DTNA: variants seen among roughly 807,000 people sequenced by gnomAD.
The protein encoded by DTNA is dystrophin-related protein 3.
In DTNA, 43 loss-of-function variants were observed where a neutral mutation model predicts 100.7. The ratio of observed to expected loss-of-function variants is 0.43; its 90% CI spans 0.33 to 0.55. The LOEUF is 0.55. Ranked by LOEUF, DTNA falls within the 20% of genes least tolerant of loss-of-function variation. The pLI is 0.04. For missense variants in DTNA, 798 were observed against 953.9 expected, an observed-to-expected ratio of 0.84 and a Z score of 2.15; for synonymous variants, 349 against 347.9, an observed-to-expected ratio of 1.00 and a Z score of -0.04.
At chr18:34,538,936 A>G (rs2043985336) in intron 1 of DTNA, among the ~76,000 whole-genome samples, 1 of 152,024 alleles carries the variant, frequency 6.6e-6, no homozygotes, top group Non-Finnish European at 1.5e-5. Flanking sequence ...TCTCAACACA[A>G]GAGACACTAA....
intron 1 of DTNA, among the ~76,000 whole-genome samples, chr18:34,511,003 A>G (rs933338826): frequency 2.0e-5 from 3 of 152,064 alleles, no homozygotes; most frequent in Non-Finnish European, 4.4e-5. Context: ...CAGTGAATTC[A>G]TGAAAGTCCA....
intron 1 of DTNA, among the ~76,000 whole-genome samples, chr18:34,601,489 C>T (rs1448941992): frequency 1.3e-5 from 2 of 152,166 alleles, no homozygotes; most frequent in African/African-American, 2.4e-5. Flanking sequence ...CTCCTCCTAC[C>T]TCACCATGTG....
chr18:34,596,958 C>A lies in DTNA; in HGVS notation c.-2+103444C>A, dbSNP rs2050748528. Among the ~76,000 whole-genome samples the A allele has an allele frequency of 2.0e-5, 3 of 152,168 alleles. No individual in the cohort carries two copies. In the South Asian group the frequency reaches 6.2e-4, roughly 32 times the overall value. Reference sequence around the variant, plus strand: ...ATGGTGGTTTGCTGCACCCGTCAACCCGTCATCTACATCACGTATTTCTCC... The same window carrying A: ...ATGGTGGTTTGCTGCACCCGTCAACACGTCATCTACATCACGTATTTCTCC... On this transcript the variant is annotated intron_variant, in intron 1 of 19. Coordinates refer to the DTNA transcript ENST00000283365.
At chr18:34,734,359 C>T (rs1268569778) in intron 1 of DTNA, among the ~76,000 whole-genome samples, 3 of 152,128 alleles carry the variant, frequency 2.0e-5, no homozygotes, top group Non-Finnish European at 2.9e-5. Flanking sequence ...AAAAAAGGTT[C>T]ATCAGAGTTT....
chr18:34,837,832 C>T (rs2096184986), intron 11 of DTNA, among the ~76,000 whole-genome samples: 1 of 152,156 alleles, frequency 6.6e-6, no homozygotes, highest in South Asian at 2.1e-4. Context: ...TCTAGACATA[C>T]TCAATATAAA....
chr18:34,662,624 G>A (rs1355911387), intron 1 of DTNA, among the ~76,000 whole-genome samples: 2 of 152,122 alleles, frequency 1.3e-5, no homozygotes, highest in Non-Finnish European at 2.9e-5. Context: ...TTTGGATTTA[G>A]GTAGGATAAA....
chr18:34,847,071 T>C (rs2096392830), intron 13 of DTNA, among the ~76,000 whole-genome samples: 1 of 152,202 alleles, frequency 6.6e-6, no homozygotes. Context: ...TAAGCCAAAC[T>C]ACAACCAACT....
intron 1 of DTNA, among the ~76,000 whole-genome samples, chr18:34,704,838 CCT>C (rs2081912148): frequency 6.6e-6 from 1 of 152,136 alleles, no homozygotes; most frequent in Non-Finnish European, 1.5e-5. Context: ...CAGGAATTTG[CCT>C]GTTTTCTTGA....
At chr18:34,566,092 C>A (rs2047058286) in intron 1 of DTNA, among the ~76,000 whole-genome samples, 1 of 152,044 alleles carries the variant, frequency 6.6e-6, no homozygotes, top group Admixed American at 6.6e-5. Flanking sequence ...GGAGAAAGTC[C>A]TGGGTTGGAC....
chr18:34,687,202 C>A (rs1355629825), intron 1 of DTNA, among the ~76,000 whole-genome samples: 1 of 152,086 alleles, frequency 6.6e-6, no homozygotes, highest in Non-Finnish European at 1.5e-5. Context: ...TTTGTTTGCT[C>A]TTGCTTCTCT....
intron 10 of DTNA, among the ~76,000 whole-genome samples, chr18:34,828,493 C>T (rs1254836689): frequency 6.6e-6 from 1 of 152,144 alleles, no homozygotes; most frequent in East Asian, 1.9e-4. Context: ...TCACAAAATG[C>T]ACATAATTCA....
At position 34,864,074 on chromosome 18, in the gene DTNA, C is replaced by G; in HGVS notation, c.1743+12C>G. 6.3e-7 allele frequency: 1 copy of G among 1,599,366 alleles called. No individual in the cohort carries two copies. Among genetic ancestry groups the G allele is most frequent in the Non-Finnish European group, 8.5e-7 (1 of 1,172,430 alleles). ...TGAAGCTACTAAAGGTAAGACCTGC[C>G]AGATAAATTTTCCTGAGCTTATTTT... On this transcript the variant is annotated intron_variant, in intron 17 of 22. Transcript: ENST00000444659.
chr18:34,516,439 AG>A (rs1213919516), intron 1 of DTNA, among the ~76,000 whole-genome samples: 1 of 152,092 alleles, frequency 6.6e-6, no homozygotes. Context: ...TCTTATCAGG[AG>A]ACAGGGTTTG....
At chr18:34,709,851 T>C (rs1357917069), upstream of DTNA, among the ~76,000 whole-genome samples, 1 of 152,244 alleles carries the variant, frequency 6.6e-6, no homozygotes, top group Non-Finnish European at 1.5e-5. Flanking sequence ...ACTGATGTAG[T>C]GTTTTCAGCA....
rs190788741 is a variant in DTNA, at chr18:34,533,703, G to A, written c.-2+40189G>A. On this transcript the variant is annotated intron_variant, in intron 1 of 19. Transcript: ENST00000283365. ...ATTATGCCGAAGAAGAAAAAAATCT[G>A]AAAATGCATATAGTGTGTATATAAA... 2.3e-3 allele frequency among the ~76,000 whole-genome samples: 354 copies of A among 152,132 alleles called. 1 individual carries two copies. Among genetic ancestry groups the A allele is most frequent in the Non-Finnish European group, 4.4e-3 (296 of 67,960 alleles).
At position 34,761,286 on chromosome 18, in the gene DTNA, A is replaced by G. The variant is rs576724740; in HGVS notation, c.68-4675A>G. Among the ~76,000 whole-genome samples, 3 of 152,336 alleles carry G rather than the reference A, an allele frequency of 2.0e-5. No homozygotes were observed. In the South Asian group the frequency reaches 6.2e-4, roughly 32 times the overall value. ...AAATGAATGAGATATTTAAGAATCA[A>G]AATGGCTATATATTAATAGAGCTAT... On this transcript the variant is annotated intron_variant, in intron 2 of 22. Transcript: ENST00000444659.
chr18:34,610,914 A>G (rs1375172029), intron 1 of DTNA, among the ~76,000 whole-genome samples: 1 of 152,238 alleles, frequency 6.6e-6, no homozygotes, highest in Non-Finnish European at 1.5e-5. Context: ...GAAAAGTGTT[A>G]ATTACATAGG....
At chr18:34,849,356 GTTTTC>G (rs1300216037) in intron 14 of DTNA, among the ~76,000 whole-genome samples, 1 of 152,164 alleles carries the variant, frequency 6.6e-6, no homozygotes, top group African/African-American at 2.4e-5. Context: ...TCTTTTCCAA[GTTTTC>G]TTGCCTTTAT....
intron 3 of DTNA, among the ~76,000 whole-genome samples, chr18:34,766,965 A>T (rs2226901): frequency 2.0e-5 from 3 of 151,986 alleles, no homozygotes; most frequent in Non-Finnish European, 4.4e-5. Flanking sequence ...GATCACTAGT[A>T]ACAATGAGCA....
Sources: allele counts gnomAD v4.1 joint callset (sites outside exome capture counted in the v4.1 genomes callset), GRCh38; gene constraint gnomAD v4.1.1; transcripts MANE v1.5; gene names NCBI Gene and HGNC (gene_info 2026-07-23, HGNC 2026-07-21).